Variants in FNBP1 observed in about 807,000 individuals in gnomAD.
FNBP1 encodes formin binding protein 1, also known as formin-binding protein 1.
Under a neutral mutation model 90.6 loss-of-function variants are expected in FNBP1, and 26 were observed. The ratio of observed to expected loss-of-function variants is 0.29; its 90% CI spans 0.21 to 0.40. The LOEUF is 0.40. Ranked by LOEUF, FNBP1 falls within the 10% of genes least tolerant of loss-of-function variation. FNBP1 has a pLI of 1.00. For missense variants in FNBP1, 635 were observed against 768.0 expected, an observed-to-expected ratio of 0.83 and a Z score of 2.05; for synonymous variants, 260 against 265.2, an observed-to-expected ratio of 0.98 and a Z score of 0.19.
Position 130,043,097 on chromosome 9 carries a change from T to G in FNBP1, c.-122A>C. On this transcript the variant is annotated 5_prime_UTR_variant, in exon 1 of 17. Transcript: ENST00000446176. ...CGGAAAGCCCGGAGTCCGCGCGGCC[T>G]CCTCCGGCTCGCAGCTCCTCGCCCG... The G allele has an allele frequency of 1.1e-6, 1 of 883,378 alleles. No homozygotes were observed. Among genetic ancestry groups the G allele is most frequent in the African/African-American group, 1.8e-5 (1 of 56,496 alleles). 54.7% of individuals were successfully genotyped at this position (883,378 alleles called of 1,614,324 possible). A position where few individuals can be genotyped will look rare whatever the true frequency, so the allele number is the denominator to read the frequency against.
At chr9:129,959,976 G>A (rs970583100) in intron 4 of FNBP1, among the ~76,000 whole-genome samples, 3 of 152,060 alleles carry the variant, frequency 2.0e-5, no homozygotes, top group Admixed American at 6.6e-5. Flanking sequence ...TTTCAAGGTC[G>A]ACATTGTCAC....
At position 129,966,842 on chromosome 9, in the gene FNBP1, G is replaced by A. The variant is rs1449171576; in HGVS notation, c.346-8289C>T. On this transcript the variant is annotated intron_variant, in intron 4 of 16. Coordinates refer to ENST00000446176, the MANE Select transcript of FNBP1 (RefSeq NM_015033.3). This position sits in a 1 kb window ranked among gnomAD's most constrained non-coding sequence, Gnocchi z 4.3. ...GCTGCAGGGGGAGGCTGTTACACTT[G>A]CACTCTCTCTAAGGGAGAGCTGGTG... Among the ~76,000 whole-genome samples the A allele has an allele frequency of 1.3e-5, 2 of 152,200 alleles. No homozygotes were observed. Among genetic ancestry groups the A allele is most frequent in the Non-Finnish European group, 2.9e-5 (2 of 68,046 alleles).
Position 130,042,949 on chromosome 9 carries a change from C to T in FNBP1, c.24+3G>A, listed in dbSNP as rs1371868341. 5.7e-6 allele frequency: 7 copies of T among 1,229,148 alleles called. No individual in the cohort carries two copies. The highest frequency in any genetic ancestry group is 7.1e-6 in the Non-Finnish European group (7 of 985,900). 76.1% of individuals were successfully genotyped at this position (1,229,148 alleles called of 1,614,324 possible). A position where few individuals can be genotyped will look rare whatever the true frequency, so the allele number is the denominator to read the frequency against. The stretch of plus-strand genomic sequence containing the variant: ...CTGCCCGCGGGCCCAGCCCCTCACT[C>T]ACCCAGAGCTCGGTGCCCCAGCTCA... On this transcript the variant is annotated splice_donor_region_variant and intron_variant, in intron 1 of 16. Coordinates refer to ENST00000446176, the MANE Select transcript of FNBP1 (RefSeq NM_015033.3). The surrounding 1 kb of genome is among the most constrained non-coding windows in gnomAD (Gnocchi z 5.5).
intron 10 of FNBP1, 25 bp downstream of exon 10, chr9:129,923,819 G>A: frequency 1.3e-6 from 2 of 1,543,516 alleles, no homozygotes; most frequent in Non-Finnish European, 1.7e-6. Flanking sequence ...ACGCCAGAGA[G>A]ACAGGATTCC....
At chr9:130,037,044 CAA>C (rs34633401) in intron 1 of FNBP1, among the ~76,000 whole-genome samples, 3 of 129,074 alleles carry the variant, frequency 2.3e-5, no homozygotes, top group African/African-American at 3.0e-5. Context: ...GACTCCATCT[CAA>C]AAAAAAAAAA....
intron 1 of FNBP1, among the ~76,000 whole-genome samples, chr9:130,027,511 A>G (rs1173731688): frequency 2.6e-5 from 4 of 152,224 alleles, no homozygotes; most frequent in African/African-American, 7.2e-5. Flanking sequence ...AATACTATCT[A>G]TTACAACTTC....
intron 2 of FNBP1, among the ~76,000 whole-genome samples, chr9:129,990,934 T>TTG (rs2053039727): frequency 7.0e-6 from 1 of 143,426 alleles, no homozygotes; most frequent in Admixed American, 7.0e-5. Context: ...ACACCAGGGT[T>TTG]TTTTTTTTTT....
intron 6 of FNBP1, among the ~76,000 whole-genome samples, chr9:129,945,945 A>G (rs543303264): frequency 3.6e-4 from 55 of 152,316 alleles, no homozygotes; most frequent in African/African-American, 1.3e-3. Context: ...AGGCAGACGG[A>G]TCACTTGAGC....
intron 1 of FNBP1, among the ~76,000 whole-genome samples, chr9:130,017,137 A>G (rs1254510930): frequency 6.6e-6 from 1 of 152,138 alleles, no homozygotes; most frequent in Non-Finnish European, 1.5e-5. Context: ...TTTACCTATT[A>G]AAAAATAATT....
intron 7 of FNBP1, 31 bp from the exon 8 acceptor site, chr9:129,927,372 T>C (rs756884924): frequency 1.8e-5 from 28 of 1,599,588 alleles, no homozygotes; most frequent in Non-Finnish European, 2.3e-5. Context: ...TAAAGTAAGT[T>C]TGGTCCATTA....
intron 6 of FNBP1, 87 bp from the exon 7 acceptor site, chr9:129,929,782 T>C (rs2042447646): frequency 7.7e-7 from 1 of 1,293,004 alleles, no homozygotes; most frequent in African/African-American, 1.5e-5. Context: ...AACTGCACAC[T>C]GGGATGCCTA....
intron 1 of FNBP1, among the ~76,000 whole-genome samples, chr9:130,005,915 C>T (rs904080047): frequency 5.9e-5 from 9 of 152,162 alleles, no homozygotes; most frequent in Non-Finnish European, 1.3e-4. Flanking sequence ...ATATATTCAT[C>T]TGCTGTTTCT....
At chr9:129,895,223 ACC>A in intron 16 of FNBP1, 2 of 1,037,938 alleles carry the variant, frequency 1.9e-6, no homozygotes, top group Non-Finnish European at 2.3e-6. Flanking sequence ...GTGATGCCCT[ACC>A]AAGGATGCTG....
chr9:129,964,701 TCA>T (rs1274250177), intron 4 of FNBP1, among the ~76,000 whole-genome samples: 2 of 151,036 alleles, frequency 1.3e-5, no homozygotes, highest in South Asian at 2.1e-4. Context: ...CTGCAAGAAA[TCA>T]CAGACAGAAC....
chr9:129,964,295 T>C (rs1252577785), intron 4 of FNBP1, among the ~76,000 whole-genome samples: 3 of 152,150 alleles, frequency 2.0e-5, no homozygotes, highest in Non-Finnish European at 4.4e-5. Flanking sequence ...TTTGGAGCCA[T>C]AGAATGAAGT....
At chr9:130,005,570 C>T (rs1424817051) in intron 1 of FNBP1, among the ~76,000 whole-genome samples, 6 of 151,904 alleles carry the variant, frequency 3.9e-5, no homozygotes, top group African/African-American at 4.8e-5. Flanking sequence ...CTTGATCTCC[C>T]GACCTTGTGA....
chr9:130,033,415 T>C (rs1396194425), intron 1 of FNBP1, among the ~76,000 whole-genome samples: 1 of 152,232 alleles, frequency 6.6e-6, no homozygotes, highest in Non-Finnish European at 1.5e-5. Flanking sequence ...CAGGAACCCG[T>C]TCTCAATTTT....
At chr9:130,019,379 T>G (rs1026477996) in intron 1 of FNBP1, among the ~76,000 whole-genome samples, 1 of 152,194 alleles carries the variant, frequency 6.6e-6, no homozygotes, top group African/African-American at 2.4e-5. Context: ...ATGATTTTTT[T>G]TGGATTAAAC....
rs1211587149 is a variant in FNBP1, at chr9:129,889,718, C to A, written c.*821G>T. On this transcript the variant is annotated 3_prime_UTR_variant, in exon 17 of 17. Coordinates refer to ENST00000446176, the MANE Select transcript of FNBP1 (RefSeq NM_015033.3). ...GCTCACAAGCGCATGATCTACAGTTCTCAGGGACAGGAAAGTGATGGGGAG... is the reference window on the plus strand; with the variant it reads ...GCTCACAAGCGCATGATCTACAGTTATCAGGGACAGGAAAGTGATGGGGAG... 1.7e-5 allele frequency: 4 copies of A among 232,114 alleles called. No homozygotes were observed. The highest frequency in any genetic ancestry group is 3.4e-5 in the Non-Finnish European group (4 of 117,438). 14.4% of individuals were successfully genotyped at this position (232,114 alleles called of 1,614,324 possible).
Sources: allele counts gnomAD v4.1 joint callset (sites outside exome capture counted in the v4.1 genomes callset), GRCh38; gene constraint gnomAD v4.1.1; non-coding constraint Gnocchi (gnomAD v3.1); transcripts MANE v1.5; gene names NCBI Gene and HGNC (gene_info 2026-07-23, HGNC 2026-07-21).